Variants in CDH12 observed in about 807,000 individuals in gnomAD.
CDH12 encodes the protein cadherin-12.
In CDH12, 41 loss-of-function variants were observed where a neutral mutation model predicts 74.1. The observed-to-expected ratio is 0.55, with a 90% CI of 0.43 to 0.72. The LOEUF (loss-of-function observed/expected upper bound fraction) is 0.72, where lower values mean the gene tolerates loss of function less well. Ranked by LOEUF, CDH12 falls within the 30% of genes least tolerant of loss-of-function variation. The probability of loss-of-function intolerance (pLI) is 0.00; values close to 1 mark genes in which losing one functional copy is unlikely to be tolerated. For missense variants in CDH12, 945 were observed against 977.2 expected (o/e 0.97, Z 0.44); for synonymous variants, 399 against 355.0 (o/e 1.12, Z -1.39).
chr5:22,187,225 A>G (rs1357343665), intron 4 of CDH12, among the ~76,000 whole-genome samples: 1 of 152,142 alleles, frequency 6.6e-6, no homozygotes, highest in Non-Finnish European at 1.5e-5. Context: ...TGGTGCTTAT[A>G]TTGCTGGCAG....
chr5:22,671,510 G>C (rs1447666659), intron 1 of CDH12, among the ~76,000 whole-genome samples: 2 of 152,042 alleles, frequency 1.3e-5, no homozygotes, highest in African/African-American at 4.8e-5. Context: ...CAGCATCACT[G>C]ACTTCTACTA....
chr5:22,201,843 A>C (rs72742022), intron 4 of CDH12, among the ~76,000 whole-genome samples: 10,269 of 152,204 alleles, frequency 0.067, 464 homozygotes, highest in South Asian at 0.15. Flanking sequence ...CGCGGCCATA[A>C]GGCAAGTGAC....
At chr5:22,554,365 G>A (rs1205581669) in intron 1 of CDH12, among the ~76,000 whole-genome samples, 2 of 152,116 alleles carry the variant, frequency 1.3e-5, no homozygotes, top group Non-Finnish European at 2.9e-5. Context: ...GTACCACTCT[G>A]TTGGGAGATG....
intron 1 of CDH12, among the ~76,000 whole-genome samples, chr5:22,605,719 C>T (rs985710825): frequency 6.6e-6 from 1 of 152,258 alleles, no homozygotes; most frequent in Non-Finnish European, 1.5e-5. Flanking sequence ...AAAGTCAGGC[C>T]ATCGCTCCAC....
At chr5:22,787,500 A>G (rs560301846) in intron 1 of CDH12, among the ~76,000 whole-genome samples, 71 of 152,282 alleles carry the variant, frequency 4.7e-4, no homozygotes, top group Non-Finnish European at 9.4e-4. Context: ...CATGGTGTTA[A>G]TGTATTAGTG....
At chr5:22,374,529 G>A (rs1301984786) in intron 3 of CDH12, among the ~76,000 whole-genome samples, 2 of 152,074 alleles carry the variant, frequency 1.3e-5, no homozygotes, top group Non-Finnish European at 2.9e-5. Context: ...ATTCATCCTT[G>A]CTGGTGATAT....
chr5:22,738,582 G>A (rs1181935200), intron 1 of CDH12, among the ~76,000 whole-genome samples: 2 of 152,016 alleles, frequency 1.3e-5, no homozygotes, highest in East Asian at 3.9e-4. Flanking sequence ...GGGATTTGGA[G>A]ATTGGTAATC....
intron 6 of CDH12, among the ~76,000 whole-genome samples, chr5:21,881,221 T>C (rs1379803566): frequency 6.6e-6 from 1 of 152,182 alleles, no homozygotes; most frequent in Non-Finnish European, 1.5e-5. Flanking sequence ...TACTTCTCAT[T>C]TGCAACTCTC....
At chr5:21,787,134 G>C (rs975712781) in intron 10 of CDH12, among the ~76,000 whole-genome samples, 5 of 152,246 alleles carry the variant, frequency 3.3e-5, no homozygotes, top group South Asian at 2.1e-4. Flanking sequence ...AATAAACAGT[G>C]GCAGGTTTTA....
rs185425751 is a variant in CDH12, at chr5:22,332,395, A to T, written c.-333+72862T>A. 2.6e-3 allele frequency among the ~76,000 whole-genome samples: 399 copies of T among 152,344 alleles called. 2 individuals carry two copies. Among genetic ancestry groups the T allele is most frequent in the African/African-American group, 9.4e-3 (391 of 41,580 alleles). On this transcript the variant is annotated intron_variant, in intron 3 of 14. Coordinates refer to ENST00000382254, the MANE Select transcript of CDH12 (RefSeq NM_004061.5). ...GAAGAAATAATACTTTTACCCTAGA[A>T]TAGTATGTTCAGCAAAAATATTCTT... is the stretch of plus-strand genomic sequence containing the variant.
At chr5:22,089,209 G>T (rs1311897263) in intron 4 of CDH12, among the ~76,000 whole-genome samples, 1 of 152,134 alleles carries the variant, frequency 6.6e-6, no homozygotes, top group Non-Finnish European at 1.5e-5. Flanking sequence ...TTCACTAAGA[G>T]ATAAATGACC....
intron 1 of CDH12, among the ~76,000 whole-genome samples, chr5:22,607,230 G>A (rs1272213445): frequency 6.6e-6 from 1 of 152,138 alleles, no homozygotes; most frequent in East Asian, 1.9e-4. Flanking sequence ...AAGTAATGAG[G>A]AGCTGAATGT....
intron 6 of CDH12, among the ~76,000 whole-genome samples, chr5:21,936,069 C>T (rs1254667173): frequency 6.6e-6 from 1 of 152,076 alleles, no homozygotes; most frequent in African/African-American, 2.4e-5. Flanking sequence ...GTGCAGATAT[C>T]TCTCTGATAT....
intron 2 of CDH12, among the ~76,000 whole-genome samples, chr5:22,499,067 C>A (rs1281115722): frequency 6.7e-6 from 1 of 150,152 alleles, no homozygotes; most frequent in Non-Finnish European, 1.5e-5. Context: ...CCATACCCGG[C>A]TAATTTTTTT....
At position 22,823,098 on chromosome 5, in the gene CDH12, T is replaced by C. The variant is rs563114510; in HGVS notation, c.-523+29960A>G. 4.6e-5 allele frequency among the ~76,000 whole-genome samples: 7 copies of C among 151,880 alleles called. No homozygotes were observed. The South Asian group carries it at 6.3e-4, about 14-fold the overall frequency. On this transcript the variant is annotated intron_variant, in intron 1 of 14. Transcript: ENST00000382254. ...GTCCTTTGTAGGGACATGGATGAAA[T>C]TGGAAACCATCATTCTCAGCAAACT...
intron 3 of CDH12, among the ~76,000 whole-genome samples, chr5:22,393,071 C>T (rs1164087580): frequency 1.3e-5 from 2 of 152,078 alleles, no homozygotes; most frequent in African/African-American, 4.8e-5. Context: ...GGGAACGTCA[C>T]TTCTTAGGGA....
intron 2 of CDH12, among the ~76,000 whole-genome samples, chr5:22,490,612 T>C (rs1213536524): frequency 6.6e-6 from 1 of 152,112 alleles, no homozygotes; most frequent in Admixed American, 6.6e-5. Context: ...AACTTTAGAA[T>C]TGAAGTAATT....
At chr5:22,276,115 G>A (rs1432172094) in intron 3 of CDH12, among the ~76,000 whole-genome samples, 7 of 152,104 alleles carry the variant, frequency 4.6e-5, no homozygotes, top group Non-Finnish European at 8.8e-5. Context: ...GTTAATTGAT[G>A]CCATGTAGAC....
chr5:22,456,449 T>C (rs2126574170), intron 2 of CDH12, among the ~76,000 whole-genome samples: 1 of 152,240 alleles, frequency 6.6e-6, no homozygotes, highest in East Asian at 1.9e-4. Context: ...TCTTAGTATA[T>C]TAAACACATA....
Sources: gnomAD v4.1 joint callset for allele counts (sites outside exome capture counted in the v4.1 genomes callset) on GRCh38, gnomAD v4.1.1 for gene constraint, MANE v1.5 for transcripts, NCBI Gene and HGNC (gene_info 2026-07-23, HGNC 2026-07-21) for gene names.